Variants in FAM89A observed in about 807,000 individuals in gnomAD.
FAM89A encodes the protein family with sequence similarity 89 member A, also known as protein FAM89A.
FAM89A carries 10 observed loss-of-function variants against 7.1 expected under a neutral mutation model. That is an observed-to-expected ratio of 1.40 (90% CI 0.86 to 2.38). FAM89A has a LOEUF of 2.38. FAM89A is among the 30% of genes most tolerant of loss of function. FAM89A has a pLI of 0.00. For missense variants in FAM89A, 276 were observed against 262.8 expected (o/e 1.05, Z -0.35); for synonymous variants, 157 against 129.3 (o/e 1.21, Z -1.45).
intron 1 of FAM89A, among the ~76,000 whole-genome samples, chr1:231,031,129 A>G (rs1572356912): frequency 6.6e-6 from 1 of 152,142 alleles, no homozygotes; most frequent in Non-Finnish European, 1.5e-5. Flanking sequence ...AATAATAATA[A>G]TAATAAACCT....
At chr1:231,039,209 C>A (rs932863638) in intron 1 of FAM89A, among the ~76,000 whole-genome samples, 1 of 152,254 alleles carries the variant, frequency 6.6e-6, no homozygotes, top group African/African-American at 2.4e-5. Flanking sequence ...AAACACTGAG[C>A]CCATGGTATG....
rs572295941 is a variant in FAM89A, at chr1:231,023,769, A to T, written c.292-3643T>A. The stretch of plus-strand genomic sequence containing the variant: ...GAGGGCAGAATCCTCAGCTCCCATC[A>T]TTGTGATGTGTAGCGTGTCTGCCCC... On this transcript the variant is annotated intron_variant, in intron 1 of 1. Transcript: ENST00000366654. Among the ~76,000 whole-genome samples, 246 of 152,330 alleles carry T rather than the reference A, an allele frequency of 1.6e-3. 3 individuals carry two copies. The highest frequency in any genetic ancestry group is 5.7e-3 in the African/African-American group (239 of 41,578).
At chr1:231,031,675 A>G (rs1206591532) in intron 1 of FAM89A, among the ~76,000 whole-genome samples, 1 of 152,230 alleles carries the variant, frequency 6.6e-6, no homozygotes, top group Non-Finnish European at 1.5e-5. Context: ...GTAGTTTAGC[A>G]TATATTCCTC....
intron 1 of FAM89A, among the ~76,000 whole-genome samples, chr1:231,027,342 A>T (rs1679991477): frequency 6.6e-6 from 1 of 152,188 alleles, no homozygotes; most frequent in African/African-American, 2.4e-5. Context: ...ACTGGCCTAG[A>T]AAGGAATCCT....
intron 1 of FAM89A, among the ~76,000 whole-genome samples, chr1:231,039,254 A>G (rs1680210979): frequency 1.3e-5 from 2 of 152,236 alleles, no homozygotes; most frequent in Non-Finnish European, 2.9e-5. Context: ...TCACATGGAC[A>G]GCACCCAGAC....
intron 1 of FAM89A, among the ~76,000 whole-genome samples, chr1:231,020,344 C>A (rs191276915): frequency 2.0e-5 from 3 of 152,178 alleles, no homozygotes; most frequent in Non-Finnish European, 4.4e-5. Flanking sequence ...CAGTGAGGAT[C>A]GCATCTGTGG....
At chr1:231,029,469 G>T (rs1326651575) in intron 1 of FAM89A, among the ~76,000 whole-genome samples, 1 of 151,626 alleles carries the variant, frequency 6.6e-6, no homozygotes, top group African/African-American at 2.4e-5. Context: ...TCCAATCTGG[G>T]CAACAGAGCA....
rs569975571 is a variant in FAM89A, at chr1:231,036,525, C to T, written c.291+3396G>A. On this transcript the variant is annotated intron_variant, in intron 1 of 1. Transcript: ENST00000366654. Reference sequence around the variant, plus strand: ...CAAGTGGGCCCTTCTGGGGAGGGGACGAGGACTTACGAGTAGTGCAGAATT... The same window carrying T: ...CAAGTGGGCCCTTCTGGGGAGGGGATGAGGACTTACGAGTAGTGCAGAATT... 6.6e-5 allele frequency among the ~76,000 whole-genome samples: 10 copies of T among 152,048 alleles called. No homozygotes were observed. In the South Asian group the frequency reaches 1.0e-3, roughly 16 times the overall value.
Position 231,019,709 on chromosome 1 carries a change from G to T in FAM89A, c.*154C>A, listed in dbSNP as rs1395339707. ...CAGACTGCCACCATGCATCCGCGGA[G>T]AACTCCCTGCCTACAAATGAAACTG... On this transcript the variant is annotated 3_prime_UTR_variant, in exon 2 of 2. Coordinates refer to ENST00000366654, the MANE Select transcript of FAM89A (RefSeq NM_198552.3). The T allele has an allele frequency of 2.4e-6, 2 of 816,582 alleles. No homozygotes were observed. Among genetic ancestry groups the T allele is most frequent in the African/African-American group, 3.5e-5 (2 of 57,884 alleles). 50.6% of individuals were successfully genotyped at this position (816,582 alleles called of 1,614,324 possible).
intron 1 of FAM89A, chr1:231,021,466 T>C: frequency 3.3e-6 from 2 of 604,782 alleles, no homozygotes; most frequent in Non-Finnish European, 5.8e-6. Context: ...TTTAAAATAC[T>C]GGAAATCTGT....
intron 1 of FAM89A, among the ~76,000 whole-genome samples, chr1:231,029,336 T>A (rs1680029679): frequency 6.6e-6 from 1 of 151,582 alleles, no homozygotes; most frequent in African/African-American, 2.4e-5. Flanking sequence ...CAAAAATATT[T>A]TAAAAATTGG....
At chr1:231,020,994 C>T (rs1679866725) in intron 1 of FAM89A, among the ~76,000 whole-genome samples, 2 of 152,330 alleles carry the variant, frequency 1.3e-5, no homozygotes, top group Non-Finnish European at 2.9e-5. Context: ...AGACCAGCAT[C>T]GGTGCCTCTT....
At chr1:231,036,434 A>ATCT (rs1326636869) in intron 1 of FAM89A, among the ~76,000 whole-genome samples, 1 of 152,120 alleles carries the variant, frequency 6.6e-6, no homozygotes, top group Non-Finnish European at 1.5e-5. Flanking sequence ...CATCATCATC[A>ATCT]ACTTTTTCAA....
At chr1:231,027,443 C>T (rs953851747) in intron 1 of FAM89A, among the ~76,000 whole-genome samples, 9 of 152,262 alleles carry the variant, frequency 5.9e-5, no homozygotes, top group South Asian at 2.1e-4. Context: ...AAGGATTAGA[C>T]GCACACACAT....
At chr1:231,025,382 T>C (rs1481533421) in intron 1 of FAM89A, among the ~76,000 whole-genome samples, 2 of 152,182 alleles carry the variant, frequency 1.3e-5, no homozygotes, top group African/African-American at 4.8e-5. Flanking sequence ...TTGGGCTCGC[T>C]CATCTATGGT....
chr1:231,039,884 G>C, intron 1 of FAM89A, 37 bp downstream of exon 1: 1 of 1,282,696 alleles, frequency 7.8e-7, no homozygotes, highest in Non-Finnish European at 9.8e-7. Flanking sequence ...CGGCGAGCCC[G>C]GCCGGGAAGA....
intron 1 of FAM89A, among the ~76,000 whole-genome samples, chr1:231,024,572 T>C (rs1679931541): frequency 1.5e-5 from 2 of 136,680 alleles, no homozygotes; most frequent in Non-Finnish European, 3.2e-5. Context: ...AGTCTTGCTT[T>C]GTCACCCAGG....
rs539181228 is a variant in FAM89A, at chr1:231,025,669, G to T, written c.292-5543C>A. Among the ~76,000 whole-genome samples the T allele has an allele frequency of 2.5e-4, 38 of 151,930 alleles. No homozygotes were observed. In the South Asian group the frequency reaches 7.7e-3, roughly 31 times the overall value. ...GAGGGAAACAGCATATCTGGCATTTGTGTTTTAAAAATTATCCATAGTTTG... is the reference window on the plus strand; with the variant it reads ...GAGGGAAACAGCATATCTGGCATTTTTGTTTTAAAAATTATCCATAGTTTG... On this transcript the variant is annotated intron_variant, in intron 1 of 1. Transcript: ENST00000366654.
chr1:231,019,724 A>G lies in FAM89A; in HGVS notation c.*139T>C, dbSNP rs1296022847. 2 of 933,952 alleles carry G rather than the reference A, an allele frequency of 2.1e-6. No homozygotes were observed. The highest frequency in any genetic ancestry group is 3.2e-6 in the Non-Finnish European group (2 of 632,636). 57.9% of individuals were successfully genotyped at this position (933,952 alleles called of 1,614,324 possible). ...CATCCGCGGAGAACTCCCTGCCTAC[A>G]AATGAAACTGGTAGCGCTCATCCCC... On this transcript the variant is annotated 3_prime_UTR_variant, in exon 2 of 2. Transcript: ENST00000366654.
Sources: gnomAD v4.1 joint callset for allele counts (sites outside exome capture counted in the v4.1 genomes callset) on GRCh38, gnomAD v4.1.1 for gene constraint, MANE v1.5 for transcripts, NCBI Gene and HGNC (gene_info 2026-07-23, HGNC 2026-07-21) for gene names.